SUCLG2: variants seen among roughly 807,000 people sequenced by gnomAD.
SUCLG2 encodes succinate-CoA ligase GDP-forming subunit beta.
A neutral mutation model predicts 47.9 loss-of-function variants in SUCLG2; 42 were observed. The ratio of observed to expected loss-of-function variants is 0.88; its 90% CI spans 0.69 to 1.14. The LOEUF is 1.14. Among genes scored for constraint, SUCLG2 ranks in the 50% most tolerant of loss-of-function variants. The pLI, the probability that SUCLG2 is intolerant of heterozygous loss-of-function variation, is 0.00. For missense variants in SUCLG2, 571 were observed against 525.9 expected (o/e 1.09, Z -0.84); for synonymous variants, 195 against 197.3 (o/e 0.99, Z 0.10).
At chr3:67,545,959 C>G (rs1420462155) in intron 2 of SUCLG2, among the ~76,000 whole-genome samples, 1 of 152,202 alleles carries the variant, frequency 6.6e-6, no homozygotes, top group Non-Finnish European at 1.5e-5. Flanking sequence ...AATTGGAACA[C>G]TCATTATCAA....
intron 6 of SUCLG2, among the ~76,000 whole-genome samples, chr3:67,510,304 C>G (rs2107102051): frequency 6.6e-6 from 1 of 152,248 alleles, no homozygotes; most frequent in South Asian, 2.1e-4. Flanking sequence ...TTATAAACAC[C>G]TACAAACATT....
At chr3:67,424,211 T>C (rs1703242181) in intron 9 of SUCLG2, among the ~76,000 whole-genome samples, 1 of 152,206 alleles carries the variant, frequency 6.6e-6, no homozygotes, top group African/African-American at 2.4e-5. Flanking sequence ...TACATAATTC[T>C]TCAATCTCTG....
intron 9 of SUCLG2, among the ~76,000 whole-genome samples, chr3:67,453,807 C>A (rs1704115070): frequency 6.6e-6 from 1 of 152,190 alleles, no homozygotes; most frequent in South Asian, 2.1e-4. Flanking sequence ...ACTGTGTTCA[C>A]TGGTCACATG....
intron 2 of SUCLG2, among the ~76,000 whole-genome samples, chr3:67,583,669 G>T (rs1208330123): frequency 1.3e-5 from 2 of 152,206 alleles, no homozygotes; most frequent in Non-Finnish European, 2.9e-5. Flanking sequence ...TTGCAGCTTA[G>T]AGACTTCTTC....
At chr3:67,634,572 C>T (rs994991758) in intron 1 of SUCLG2, among the ~76,000 whole-genome samples, 2 of 152,084 alleles carry the variant, frequency 1.3e-5, no homozygotes, top group Non-Finnish European at 2.9e-5. Flanking sequence ...AAAATTTCAG[C>T]AGTATTCTAG....
At chr3:67,580,091 T>C (rs1431216143) in intron 2 of SUCLG2, among the ~76,000 whole-genome samples, 1 of 152,240 alleles carries the variant, frequency 6.6e-6, no homozygotes, top group Non-Finnish European at 1.5e-5. Context: ...TCCATCTTTA[T>C]TTCTTAATTA....
chr3:67,422,472 T>TAAAAAAAAAAAAAAAAAAAAAA (rs1559520249), intron 9 of SUCLG2, among the ~76,000 whole-genome samples: 5 of 12,324 alleles, frequency 4.1e-4, no homozygotes, highest in African/African-American at 1.9e-3. Flanking sequence ...AGACTCCATC[T>TAAAAAAAAAAAAAAAAAAAAAA]CAAAAAAAAA....
chr3:67,559,647 T>C (rs949181371), intron 2 of SUCLG2, among the ~76,000 whole-genome samples: 2 of 152,168 alleles, frequency 1.3e-5, no homozygotes, highest in Non-Finnish European at 2.9e-5. Context: ...ACCATCTATA[T>C]GTTTACTGTA....
downstream of SUCLG2, among the ~76,000 whole-genome samples, chr3:67,369,721 T>C (rs573773092): frequency 1.3e-5 from 2 of 152,310 alleles, no homozygotes; most frequent in South Asian, 4.1e-4. Context: ...CTCTGGATGG[T>C]GAGAAGAAAA....
exon 11 of SUCLG2, chr3:67,360,765 G>C (rs1215983843): frequency 2.0e-6 from 3 of 1,510,784 alleles, no homozygotes; most frequent in Non-Finnish European, 2.6e-6. Context: ...TTCCATAAAA[G>C]TACCTGAAAT....
At chr3:67,532,546 A>G (rs938831927) in intron 2 of SUCLG2, among the ~76,000 whole-genome samples, 3 of 152,246 alleles carry the variant, frequency 2.0e-5, no homozygotes, top group African/African-American at 7.2e-5. Context: ...TTTTATACGC[A>G]GTAGCCTAAG....
At chr3:67,573,979 G>A (rs1707683796) in intron 2 of SUCLG2, among the ~76,000 whole-genome samples, 1 of 152,148 alleles carries the variant, frequency 6.6e-6, no homozygotes, top group Non-Finnish European at 1.5e-5. Flanking sequence ...GTGATTAACA[G>A]AATTCAGTTC....
chr3:67,560,476 G>C (rs568970570), intron 2 of SUCLG2, among the ~76,000 whole-genome samples: 1 of 152,184 alleles, frequency 6.6e-6, no homozygotes, highest in African/African-American at 2.4e-5. Flanking sequence ...TTCAAGCCCT[G>C]AGTCTGCCAA....
chr3:67,566,252 T>C (rs1270816995), intron 2 of SUCLG2, among the ~76,000 whole-genome samples: 1 of 152,208 alleles, frequency 6.6e-6, no homozygotes, highest in Admixed American at 6.5e-5. Context: ...AAATTTGCAG[T>C]GGTAAAATCA....
At chr3:67,410,086 G>A (rs141399597) in intron 9 of SUCLG2, among the ~76,000 whole-genome samples, 500 of 152,264 alleles carry the variant, frequency 3.3e-3, no homozygotes, top group Non-Finnish European at 5.4e-3. Flanking sequence ...GTTATTTTCT[G>A]CAAAAGAGTC....
intron 2 of SUCLG2, among the ~76,000 whole-genome samples, chr3:67,605,796 A>G (rs1700401076): frequency 6.6e-6 from 1 of 152,168 alleles, no homozygotes; most frequent in Non-Finnish European, 1.5e-5. Context: ...TCTTGAGAGC[A>G]TACCTGAAGA....
chr3:67,635,641 G>A (rs2107359323), intron 1 of SUCLG2, among the ~76,000 whole-genome samples: 1 of 152,224 alleles, frequency 6.6e-6, no homozygotes, highest in Non-Finnish European at 1.5e-5. Flanking sequence ...TCTCCTTTCT[G>A]AGACACCCTC....
At chr3:67,518,361 A>G (rs775712254) in intron 5 of SUCLG2, 25 bp from the exon 6 acceptor site, 196 of 1,594,054 alleles carry the variant, frequency 1.2e-4, no homozygotes, top group Non-Finnish European at 1.6e-4. Flanking sequence ...TCAAATAAAC[A>G]AAATTCAGAC....
intron 2 of SUCLG2, among the ~76,000 whole-genome samples, chr3:67,531,564 C>CA (rs768617370): frequency 1.3e-5 from 2 of 152,158 alleles, no homozygotes; most frequent in Non-Finnish European, 2.9e-5. Context: ...CCATGCAAAA[C>CA]AGTGTTGGTA....
Sources: gnomAD v4.1 joint callset for allele counts (sites outside exome capture counted in the v4.1 genomes callset) on GRCh38, gnomAD v4.1.1 for gene constraint, MANE v1.5 for transcripts, NCBI Gene and HGNC (gene_info 2026-07-23, HGNC 2026-07-21) for gene names.